The following PRKCE variants were observed in gnomAD, a reference collection of about 807,000 sequenced individuals.
PRKCE encodes protein kinase C epsilon type.
Under a neutral mutation model 85.4 loss-of-function variants are expected in PRKCE, and 16 were observed. The ratio of observed to expected loss-of-function variants is 0.19; its 90% CI spans 0.13 to 0.28. The LOEUF (loss-of-function observed/expected upper bound fraction) is 0.28. Ranked by LOEUF, PRKCE falls within the 10% of genes least tolerant of loss-of-function variation. The pLI, the probability that PRKCE is intolerant of heterozygous loss-of-function variation, is 1.00. For synonymous variants in PRKCE, 388 were observed against 371.5 expected, an observed-to-expected ratio of 1.04 and a Z score of -0.51; for missense variants, 573 against 975.2, an observed-to-expected ratio of 0.59 and a Z score of 5.49.
At chr2:46,022,066 G>T (rs534450163) in intron 10 of PRKCE, among the ~76,000 whole-genome samples, 2 of 152,184 alleles carry the variant, frequency 1.3e-5, no homozygotes, top group Non-Finnish European at 2.9e-5. Flanking sequence ...GAAGACTTTG[G>T]TGGGTGGTAG....
At position 45,980,365 on chromosome 2, in the gene PRKCE, A is replaced by G. The variant is rs1422166578; in HGVS notation, c.677A>G (p.Gln226Arg). The G allele has an allele frequency of 1.3e-6, 2 of 1,599,706 alleles. No homozygotes were observed. The highest frequency in any genetic ancestry group is 8.5e-7 in the Non-Finnish European group (1 of 1,179,948). ...ACAAAGTGTGCTGGGTTAAAGAAGC[A>G]GGAGACCCCCGACCAGGTAAGTGTT... ...IITKCAGLKK[Q>R]ETPDQVGSQR... Residue 226 changes from glutamine (Q) to arginine (R), a missense_variant, in exon 5 of 15, where the codon CAG (glutamine) becomes CGG (arginine). Physicochemically the swap from Gln to Arg is conservative, Grantham distance 43 (BLOSUM62 1). Transcript: ENST00000306156.
At chr2:45,765,812 GA>G (rs772566870) in intron 1 of PRKCE, among the ~76,000 whole-genome samples, 2 of 152,160 alleles carry the variant, frequency 1.3e-5, no homozygotes, top group Non-Finnish European at 2.9e-5. Context: ...TTGCCTTTTA[GA>G]ATACAGAGAA....
At chr2:46,113,599 C>T (rs180833102) in intron 11 of PRKCE, among the ~76,000 whole-genome samples, 4 of 152,268 alleles carry the variant, frequency 2.6e-5, no homozygotes, top group African/African-American at 4.8e-5. Flanking sequence ...AAGAATTAAG[C>T]GTTAGCAGGG....
At chr2:45,828,818 A>G (rs1383747707) in intron 1 of PRKCE, among the ~76,000 whole-genome samples, 1 of 152,206 alleles carries the variant, frequency 6.6e-6, no homozygotes, top group East Asian at 1.9e-4. Flanking sequence ...AGAAAAGTAG[A>G]AAGTTGAGAA....
intron 14 of PRKCE, among the ~76,000 whole-genome samples, chr2:46,178,995 T>C (rs1353738546): frequency 1.3e-5 from 2 of 152,092 alleles, no homozygotes; most frequent in Non-Finnish European, 2.9e-5. Context: ...GGAGACCACG[T>C]AGAGACAGCA....
chr2:45,803,335 T>A (rs963801333), intron 1 of PRKCE, among the ~76,000 whole-genome samples: 1 of 152,216 alleles, frequency 6.6e-6, no homozygotes, highest in African/African-American at 2.4e-5. Flanking sequence ...AGATTTTGGG[T>A]AAGTGCTTTG....
In PRKCE at chr2:45,680,241, G is replaced by A. The variant is rs140018791; in HGVS notation, c.348+27793G>A. ...ATAACTTTGTTGGATTTCAGTGGTG[G>A]ACACCAGCAATCTTAGGAGGTCTAG... On this transcript the variant is annotated intron_variant, in intron 1 of 14. Transcript: ENST00000306156. Among the ~76,000 whole-genome samples the A allele has an allele frequency of 1.7e-3, 256 of 152,324 alleles. 1 individual carries two copies. The highest frequency in any genetic ancestry group is 2.7e-3 in the Non-Finnish European group (185 of 68,018).
intron 1 of PRKCE, among the ~76,000 whole-genome samples, chr2:45,687,619 A>G (rs1418046283): frequency 6.6e-6 from 1 of 152,236 alleles, no homozygotes; most frequent in Non-Finnish European, 1.5e-5. Context: ...ATTTCTTGTA[A>G]CATCTAAATG....
At chr2:45,743,280 A>C (rs1342370280) in intron 1 of PRKCE, among the ~76,000 whole-genome samples, 2 of 152,180 alleles carry the variant, frequency 1.3e-5, no homozygotes, top group Non-Finnish European at 2.9e-5. Context: ...CCATACAAAA[A>C]AGTAGGTGAG....
intron 2 of PRKCE, among the ~76,000 whole-genome samples, chr2:45,865,015 G>A (rs966344159): frequency 1.1e-4 from 16 of 152,316 alleles, no homozygotes; most frequent in Admixed American, 5.9e-4. Context: ...ACCTCTGGTC[G>A]TAAGACCAAG....
intron 2 of PRKCE, among the ~76,000 whole-genome samples, chr2:45,891,255 G>C (rs752657835): frequency 6.6e-6 from 1 of 152,186 alleles, no homozygotes; most frequent in Non-Finnish European, 1.5e-5. Context: ...CAGAAAGAGC[G>C]ACCAGAAATG....
chr2:45,780,268 A>G (rs971176491), intron 1 of PRKCE, among the ~76,000 whole-genome samples: 9 of 152,202 alleles, frequency 5.9e-5, no homozygotes, highest in Admixed American at 1.3e-4. Context: ...CATTCCATTC[A>G]TAGATTTCTA....
At chr2:45,917,259 C>T (rs562641878) in intron 2 of PRKCE, among the ~76,000 whole-genome samples, 6 of 152,202 alleles carry the variant, frequency 3.9e-5, no homozygotes, top group East Asian at 1.9e-4. Context: ...TCCAAGTCGC[C>T]GCCAGAGTAG....
Position 46,084,733 on chromosome 2 carries a change from A to G in PRKCE, c.1438-1475A>G, listed in dbSNP as rs1053411151. ...GAGACTCCATCAAAAAAAAAAAAAAAAAAAAAAGAATGTGCTCTGCCTCTC... is the reference window on the plus strand; with the variant it reads ...GAGACTCCATCAAAAAAAAAAAAAAGAAAAAAAGAATGTGCTCTGCCTCTC... On this transcript the variant is annotated intron_variant, in intron 10 of 14. Transcript: ENST00000306156. Among the ~76,000 whole-genome samples the G allele has an allele frequency of 3.3e-5, 5 of 151,698 alleles. No homozygotes were observed. In the East Asian group the frequency reaches 9.7e-4, roughly 29 times the overall value.
intron 1 of PRKCE, among the ~76,000 whole-genome samples, chr2:45,655,065 G>A (rs1055109912): frequency 6.6e-6 from 1 of 152,130 alleles, no homozygotes; most frequent in Non-Finnish European, 1.5e-5. Flanking sequence ...TCATTTTTGC[G>A]GAACACCGAA....
At position 46,067,406 on chromosome 2, in the gene PRKCE, C is replaced by T. The variant is rs73926178; in HGVS notation, c.1438-18802C>T. Among the ~76,000 whole-genome samples the T allele has an allele frequency of 3.1e-3, 479 of 152,298 alleles. 5 individuals carry two copies. Among genetic ancestry groups the T allele is most frequent in the African/African-American group, 0.011 (463 of 41,566 alleles). ...GGTGACATCTGAGAGGCAGTTTTGG[C>T]GCTACCTGGAAGGCAGAGGTGACAG... On this transcript the variant is annotated intron_variant, in intron 10 of 14. Coordinates refer to ENST00000306156, the MANE Select transcript of PRKCE (RefSeq NM_005400.3).
chr2:45,818,384 G>A (rs1156466056), intron 1 of PRKCE, among the ~76,000 whole-genome samples: 1 of 152,140 alleles, frequency 6.6e-6, no homozygotes, highest in Non-Finnish European at 1.5e-5. Flanking sequence ...TGAGCCATAA[G>A]GATAACATTT....
chr2:46,161,163 A>G (rs1677722632), intron 14 of PRKCE, among the ~76,000 whole-genome samples: 6 of 152,196 alleles, frequency 3.9e-5, no homozygotes, highest in Admixed American at 3.9e-4. Context: ...CCCTGCTGCC[A>G]CAGGGCTCCC....
intron 1 of PRKCE, among the ~76,000 whole-genome samples, chr2:45,841,122 T>C (rs549859057): frequency 3.3e-4 from 51 of 152,344 alleles, no homozygotes; most frequent in African/African-American, 1.2e-3. Context: ...GAGAGGTAGA[T>C]GGACAATGTA....
Sources: gnomAD v4.1 joint callset for allele counts (sites outside exome capture counted in the v4.1 genomes callset) on GRCh38, gnomAD v4.1.1 for gene constraint, MANE v1.5 for transcripts, NCBI Gene and HGNC (gene_info 2026-07-23, HGNC 2026-07-21) for gene names.